SLC38A8: variants seen among roughly 807,000 people sequenced by gnomAD.
The protein encoded by SLC38A8 is solute carrier family 38 member 8.
SLC38A8 carries 65 observed loss-of-function variants against 46.0 expected under a neutral mutation model. The ratio of observed to expected loss-of-function variants is 1.41; its 90% CI spans 1.16 to 1.74. The LOEUF (loss-of-function observed/expected upper bound fraction) is 1.74, where lower values mean the gene tolerates loss of function less well. Among genes scored for constraint, SLC38A8 ranks in the 40% most tolerant of loss-of-function variants. SLC38A8 has a pLI of 0.00. For synonymous variants in SLC38A8, 447 were observed against 243.7 expected (o/e 1.83, Z -7.77); for missense variants, 998 against 567.9 (o/e 1.76, Z -7.70).
At chr16:84,031,694 G>C (rs916385439) in intron 5 of SLC38A8, among the ~76,000 whole-genome samples, 173 bp downstream of exon 5, 6 of 145,578 alleles carry the variant, frequency 4.1e-5, no homozygotes, top group Admixed American at 1.4e-4. Context: ...CCCTGCAGCA[G>C]AAGGAGAGTG....
chr16:84,011,573 A>T (rs55857760), intron 10 of SLC38A8, among the ~76,000 whole-genome samples: 2,367 of 152,310 alleles, frequency 0.016, 42 homozygotes, highest in East Asian at 0.074. Context: ...GGATGGGGTG[A>T]AGGGTGGCCC....
chr16:84,043,022 G>A (rs539710110), upstream of SLC38A8, among the ~76,000 whole-genome samples: 14 of 152,240 alleles, frequency 9.2e-5, no homozygotes, highest in South Asian at 2.1e-4. Flanking sequence ...GCCCAACGGA[G>A]GGGGCGTGAA....
intron 4 of SLC38A8, among the ~76,000 whole-genome samples, chr16:84,032,890 G>A (rs1193838681): frequency 6.6e-6 from 1 of 150,710 alleles, no homozygotes; most frequent in African/African-American, 2.4e-5. Flanking sequence ...GGGGATGGGG[G>A]TGCATGTGTG....
intron 7 of SLC38A8, among the ~76,000 whole-genome samples, chr16:84,022,498 G>C (rs912185083): frequency 6.6e-6 from 1 of 152,234 alleles, no homozygotes; most frequent in South Asian, 2.1e-4. Context: ...TGGTGTGTCA[G>C]AGCACGGGCT....
chr16:84,033,963 A>C (rs1299176600), intron 3 of SLC38A8, among the ~76,000 whole-genome samples: 1 of 152,208 alleles, frequency 6.6e-6, no homozygotes, highest in Non-Finnish European at 1.5e-5. Flanking sequence ...CAAGTCATGG[A>C]TCGTAGGTAG....
In SLC38A8 at chr16:84,027,179, G is replaced by T. The variant is rs139990433; in HGVS notation, c.690+2315C>A. On this transcript the variant is annotated intron_variant, in intron 6 of 10. Transcript: ENST00000299709. Reference sequence around the variant, plus strand: ...AGCCTGGCCAACGTGTTGAAACCTCGTCTCTACTAAAAATACAAAAATTAG... The same window carrying T: ...AGCCTGGCCAACGTGTTGAAACCTCTTCTCTACTAAAAATACAAAAATTAG... 4.6e-5 allele frequency among the ~76,000 whole-genome samples: 7 copies of T among 152,118 alleles called. No individual in the cohort carries two copies. The South Asian group carries it at 1.5e-3, about 32-fold the overall frequency.
In SLC38A8 at chr16:84,017,173, A is replaced by G. The variant is rs1432642309; in HGVS notation, c.920T>C (p.Val307Ala). 3 of 1,614,040 alleles carry G rather than the reference A, an allele frequency of 1.9e-6. No homozygotes were observed. Among genetic ancestry groups the G allele is most frequent in the Non-Finnish European group, 2.5e-6 (3 of 1,180,038 alleles). The change falls in exon 8 of 11, where the codon GTA becomes GCA. Residue 307 changes from valine to alanine, a missense_variant. By Grantham distance (64) the Val-to-Ala change is moderately conservative (BLOSUM62 0). Transcript: ENST00000299709. ...VARVLFAVSI[V>A]TVYPIVLFLG... ...GAAGAGCACGATGGGGTAGACAGTT[A>G]CGATGGAGACAGCAAAAAGGACCCG...
chr16:84,039,743 CAAAAAAAA>C (rs56074069), intron 2 of SLC38A8, among the ~76,000 whole-genome samples: 12 of 85,806 alleles, frequency 1.4e-4, no homozygotes, highest in South Asian at 1.1e-3. Context: ...GTGAGACCTT[CAAAAAAAA>C]AAAAAAAAAA....
At chr16:84,028,506 C>T (rs939996091) in intron 6 of SLC38A8, among the ~76,000 whole-genome samples, 8 of 149,896 alleles carry the variant, frequency 5.3e-5, no homozygotes, top group Non-Finnish European at 1.0e-4. Context: ...AGGTGCAGTG[C>T]AGTGAGCTGA....
At position 84,031,771 on chromosome 16, in the gene SLC38A8, T is replaced by G. The variant is rs1371320114; in HGVS notation, c.632+96A>C. ...GAAGGAAGGAGCCCAGGCTCTGCAGTGAGCCACGAGAGGCTCCTCCTCCAA... is the reference window on the plus strand; with the variant it reads ...GAAGGAAGGAGCCCAGGCTCTGCAGGGAGCCACGAGAGGCTCCTCCTCCAA... On this transcript the variant is annotated intron_variant, in intron 5 of 10. Transcript: ENST00000299709. The G allele has an allele frequency of 1.7e-5, 18 of 1,039,674 alleles. No homozygotes were observed. The East Asian group carries it at 4.3e-4, about 25-fold the overall frequency. The allele number at this position is 1,039,674 out of a possible 1,614,324, so 64.4% of individuals were successfully genotyped here. A position where few individuals can be genotyped will look rare whatever the true frequency, so the allele number is the denominator to read the frequency against.
intron 6 of SLC38A8, among the ~76,000 whole-genome samples, chr16:84,026,193 TCTCC>T (rs2085162361): frequency 6.6e-6 from 1 of 152,214 alleles, no homozygotes; most frequent in Non-Finnish European, 1.5e-5. Context: ...TGCCTCCTTT[TCTCC>T]CTGTTTGACT....
intron 5 of SLC38A8, among the ~76,000 whole-genome samples, chr16:84,031,488 T>G (rs919722568): frequency 2.6e-5 from 4 of 152,210 alleles, no homozygotes; most frequent in African/African-American, 7.2e-5. Context: ...CTCTCTGCCC[T>G]TGTTCCGGCT....
chr16:84,031,538 G>A (rs558709153), intron 5 of SLC38A8, among the ~76,000 whole-genome samples: 17 of 151,382 alleles, frequency 1.1e-4, no homozygotes, highest in East Asian at 7.9e-4. Flanking sequence ...CCCCTGCCCC[G>A]GTACATGCAG....
chr16:84,025,999 T>G (rs1051173636), intron 6 of SLC38A8, among the ~76,000 whole-genome samples: 3 of 152,248 alleles, frequency 2.0e-5, no homozygotes, highest in East Asian at 3.9e-4. Flanking sequence ...AGAGCCCCAG[T>G]GCCCACAATG....
At position 84,016,571 on chromosome 16, in the gene SLC38A8, C is replaced by G; in HGVS notation, c.1110G>C (p.Glu370Asp). The change falls in exon 9 of 11, where the codon GAG (glutamate) becomes GAC (aspartate). Residue 370 changes from glutamate to aspartate, a missense_variant. Transcript: ENST00000299709. ...TGATGCCTCCGATGATGCTGACGATCTCGCTGAGGTCAGGCATAAACAGCG... is the reference window on the plus strand; with the variant it reads ...TGATGCCTCCGATGATGCTGACGATGTCGCTGAGGTCAGGCATAAACAGCG... ...AMALFMPDLSEIVSIIGGISS... is the reference protein window; with the variant it reads ...AMALFMPDLSDIVSIIGGISS... 6.2e-7 allele frequency: 1 copy of G among 1,614,096 alleles called. No homozygotes were observed.
intron 2 of SLC38A8, among the ~76,000 whole-genome samples, chr16:84,038,529 G>A (rs796921896): frequency 9.2e-5 from 14 of 152,270 alleles, no homozygotes; most frequent in African/African-American, 2.2e-4. Flanking sequence ...ATACTCTGGC[G>A]TGCCTACCAT....
At chr16:84,013,430 T>TG (rs1474955050) in intron 9 of SLC38A8, among the ~76,000 whole-genome samples, 1 of 121,564 alleles carries the variant, frequency 8.2e-6, no homozygotes, top group African/African-American at 3.4e-5. Context: ...GTGTGTTTTT[T>TG]TTTTTTTTTT....
chr16:84,027,757 G>T (rs551485721), intron 6 of SLC38A8, among the ~76,000 whole-genome samples: 1 of 152,168 alleles, frequency 6.6e-6, no homozygotes, highest in Admixed American at 6.5e-5. Flanking sequence ...CCCAGGCCTC[G>T]TTGCTAGGAG....
chr16:84,017,129 C>A lies in SLC38A8; in HGVS notation c.953+11G>T, dbSNP rs1471313322. The stretch of plus-strand genomic sequence containing the variant: ...ATGCTTCACGGTGCCCCCCACTGAG[C>A]CAGGCCTCACCTCCCCAGGAAGAGC... On this transcript the variant is annotated intron_variant, in intron 8 of 10. Coordinates refer to ENST00000299709, the MANE Select transcript of SLC38A8 (RefSeq NM_001080442.3). The A allele has an allele frequency of 1.2e-6, 2 of 1,613,572 alleles. No homozygotes were observed. The highest frequency in any genetic ancestry group is 1.3e-5 in the African/African-American group (1 of 74,894).
Sources: gnomAD v4.1 joint callset for allele counts (sites outside exome capture counted in the v4.1 genomes callset) on GRCh38, gnomAD v4.1.1 for gene constraint, MANE v1.5 for transcripts, NCBI Gene and HGNC (gene_info 2026-07-23, HGNC 2026-07-21) for gene names.